The following CACNA1C variants were observed in gnomAD, a reference collection of about 807,000 sequenced individuals.
The protein encoded by CACNA1C is voltage-dependent L-type calcium channel subunit alpha-1C.
A neutral mutation model predicts 229.0 loss-of-function variants in CACNA1C; 30 were observed. The ratio of observed to expected loss-of-function variants is 0.13; its 90% CI spans 0.10 to 0.18. The LOEUF (loss-of-function observed/expected upper bound fraction) is 0.18, where lower values mean the gene tolerates loss of function less well. CACNA1C is among the 10% of genes least tolerant of loss of function. The probability of loss-of-function intolerance (pLI) is 1.00; values close to 1 mark genes in which losing one functional copy is unlikely to be tolerated. For missense variants in CACNA1C, 1,658 were observed against 2,845.0 expected, an observed-to-expected ratio of 0.58 and a Z score of 9.49; for synonymous variants, 1,114 against 1,132.5, an observed-to-expected ratio of 0.98 and a Z score of 0.33.
intron 3 of CACNA1C, among the ~76,000 whole-genome samples, chr12:2,147,413 T>C (rs116324338): frequency 0.012 from 1,824 of 151,460 alleles, 53 homozygotes; most frequent in African/African-American, 0.041. Context: ...TTAGGCAACT[T>C]TGGGGAGTGA....
At chr12:2,675,905 G>C (rs2096785551) in intron 39 of CACNA1C, 1 of 152,184 alleles carries the variant, frequency 6.6e-6, no homozygotes, top group African/African-American at 2.4e-5. Context: ...CACATTTACT[G>C]TGCCCTCCTT....
chr12:2,356,660 C>G (rs567589992), intron 3 of CACNA1C, among the ~76,000 whole-genome samples: 2 of 152,350 alleles, frequency 1.3e-5, no homozygotes, highest in African/African-American at 4.8e-5. Flanking sequence ...TGTGGCCAGC[C>G]CCTTCACCAG....
At chr12:2,675,789 T>G (rs1194720885) in intron 39 of CACNA1C, among the ~76,000 whole-genome samples, 1 of 152,070 alleles carries the variant, frequency 6.6e-6, no homozygotes, top group African/African-American at 2.4e-5. Context: ...CCATGCAGAG[T>G]GCAAAGCTGT....
intron 1 of CACNA1C, among the ~76,000 whole-genome samples, chr12:1,976,167 C>G (rs1178525951): frequency 6.6e-6 from 1 of 152,118 alleles, no homozygotes; most frequent in Non-Finnish European, 1.5e-5. Flanking sequence ...ACAAAAAAGT[C>G]ATTTTGGATT....
At chr12:2,066,834 C>T (rs186333257) in intron 1 of CACNA1C, among the ~76,000 whole-genome samples, 22 of 151,138 alleles carry the variant, frequency 1.5e-4, no homozygotes, top group East Asian at 3.9e-4. Flanking sequence ...GATGAGGAAA[C>T]GTAGAGGGGC....
chr12:2,591,081 T>C (rs2153301610), intron 18 of CACNA1C, among the ~76,000 whole-genome samples: 1 of 152,344 alleles, frequency 6.6e-6, no homozygotes, highest in South Asian at 2.1e-4. Context: ...TTAATTGTCT[T>C]GCTGGTCAGC....
In CACNA1C at chr12:2,483,727, C is replaced by T. The variant is rs537749467; in HGVS notation, c.758-2377C>T. On this transcript the variant is annotated intron_variant, in intron 5 of 46. Transcript: ENST00000399655. ...TGAGTGGCGTGACCCCCAGCCTGGA[C>T]GGGGATGTGAGGAACAGGGCATTTG... is the stretch of plus-strand genomic sequence containing the variant. Among the ~76,000 whole-genome samples, 26 of 152,144 alleles carry T rather than the reference C, an allele frequency of 1.7e-4. No individual in the cohort carries two copies. In the South Asian group the frequency reaches 2.7e-3, roughly 16 times the overall value.
At chr12:2,235,962 A>G (rs1003686494) in intron 3 of CACNA1C, among the ~76,000 whole-genome samples, 4 of 152,180 alleles carry the variant, frequency 2.6e-5, no homozygotes, top group Admixed American at 1.3e-4. Context: ...AGGCATTACC[A>G]TTGTCCCTGT....
chr12:2,650,807 G>T (rs566388255), intron 31 of CACNA1C, among the ~76,000 whole-genome samples: 20 of 152,230 alleles, frequency 1.3e-4, no homozygotes, highest in South Asian at 1.0e-3. Context: ...CCCTTCCCCA[G>T]GGCCCCTGAG....
At chr12:2,624,573 C>G (rs146317660) in intron 29 of CACNA1C, among the ~76,000 whole-genome samples, 1 of 152,356 alleles carries the variant, frequency 6.6e-6, no homozygotes, top group East Asian at 1.9e-4. Flanking sequence ...TTTCAAAAAT[C>G]GTACGGAAAC....
intron 3 of CACNA1C, among the ~76,000 whole-genome samples, chr12:2,427,822 G>T (rs1324831769): frequency 6.6e-6 from 1 of 152,074 alleles, no homozygotes; most frequent in Non-Finnish European, 1.5e-5. Context: ...GTTTTACCAT[G>T]ATGGCCAGGC....
chr12:2,324,831 C>T (rs528613349), intron 3 of CACNA1C, among the ~76,000 whole-genome samples: 1 of 152,264 alleles, frequency 6.6e-6, no homozygotes, highest in South Asian at 2.1e-4. Context: ...CTGTCTTGCT[C>T]TCCATGTGAT....
intron 13 of CACNA1C, among the ~76,000 whole-genome samples, chr12:2,574,719 C>T (rs1043971810): frequency 5.3e-5 from 8 of 152,236 alleles, no homozygotes; most frequent in Non-Finnish European, 1.2e-4. Flanking sequence ...CCCAGCTCTT[C>T]CATCACCTTC....
chr12:1,981,483 G>A (rs1456789864), intron 1 of CACNA1C, among the ~76,000 whole-genome samples: 1 of 152,172 alleles, frequency 6.6e-6, no homozygotes, highest in African/African-American at 2.4e-5. Context: ...GAGAAGCCAG[G>A]ACAAAATATT....
At chr12:2,500,972 C>T (rs374149920) in intron 7 of CACNA1C, among the ~76,000 whole-genome samples, 81 of 151,482 alleles carry the variant, frequency 5.3e-4, no homozygotes, top group African/African-American at 1.9e-3. Context: ...TTTGGGAGGC[C>T]GAGGTGGGCG....
At chr12:2,237,205 C>G (rs948334079) in intron 3 of CACNA1C, among the ~76,000 whole-genome samples, 3 of 152,138 alleles carry the variant, frequency 2.0e-5, no homozygotes, top group Admixed American at 6.5e-5. Flanking sequence ...GTATGATTTT[C>G]TGGGTCAATT....
chr12:2,661,569 C>G (rs954024959), intron 34 of CACNA1C, among the ~76,000 whole-genome samples: 1 of 152,086 alleles, frequency 6.6e-6, no homozygotes, highest in Non-Finnish European at 1.5e-5. Flanking sequence ...ACCAGACTAT[C>G]AAGGAGTGGA....
At chr12:2,013,756 C>T (rs12230792) in intron 1 of CACNA1C, among the ~76,000 whole-genome samples, 27,399 of 152,118 alleles carry the variant, frequency 0.18, 2,643 homozygotes, top group East Asian at 0.21. Context: ...GAAGAAATTA[C>T]GTAGAATCCA....
At chr12:2,007,961 T>TA (rs1039056081) in intron 1 of CACNA1C, among the ~76,000 whole-genome samples, 14 of 150,742 alleles carry the variant, frequency 9.3e-5, no homozygotes, top group South Asian at 4.2e-4. Context: ...TTTCCAATTC[T>TA]AAAAAAAAAC....
Sources: allele counts gnomAD v4.1 joint callset (sites outside exome capture counted in the v4.1 genomes callset), GRCh38; gene constraint gnomAD v4.1.1; transcripts MANE v1.5; gene names NCBI Gene and HGNC (gene_info 2026-07-23, HGNC 2026-07-21).